The following GTF2F2 variants were observed in gnomAD, a reference collection of about 807,000 sequenced individuals.
The protein encoded by GTF2F2 is ATP-dependent helicase GTF2F2.
GTF2F2 carries 23 observed loss-of-function variants against 42.2 expected under a neutral mutation model. The observed-to-expected ratio is 0.55, with a 90% CI of 0.39 to 0.77. GTF2F2 has a LOEUF of 0.77. Among genes scored for constraint, GTF2F2 ranks in the 30% least tolerant of loss-of-function variants. The pLI is 0.00. For missense variants in GTF2F2, 261 were observed against 287.2 expected, an observed-to-expected ratio of 0.91 and a Z score of 0.66; for synonymous variants, 105 against 100.8, an observed-to-expected ratio of 1.04 and a Z score of -0.25.
rs966876296 is a variant in GTF2F2 at position 45,191,339 on chromosome 13, G to A, written c.305-16085G>A. ...ATAAGAGAATATATGTTTGGCTCAT[G>A]GCAACTATAGTAACCTACTTTTTTA... On this transcript the variant is annotated intron_variant, in intron 4 of 7. Coordinates refer to ENST00000340473, the MANE Select transcript of GTF2F2 (RefSeq NM_004128.3). Among the ~76,000 whole-genome samples the A allele has an allele frequency of 3.4e-5, 5 of 148,230 alleles. No individual in the cohort carries two copies. The South Asian group carries it at 6.3e-4, about 19-fold the overall frequency.
At chr13:45,214,844 C>T (rs1217711111) in intron 5 of GTF2F2, among the ~76,000 whole-genome samples, 1 of 151,724 alleles carries the variant, frequency 6.6e-6, no homozygotes, top group Non-Finnish European at 1.5e-5. Context: ...ATCATCCTAA[C>T]ATATTTTCTT....
chr13:45,127,960 T>C (rs1206362346), intron 1 of GTF2F2, among the ~76,000 whole-genome samples: 13 of 138,284 alleles, frequency 9.4e-5, no homozygotes, highest in African/African-American at 2.8e-4. Context: ...TTTTTTTTTT[T>C]TTTTTTTTTC....
At chr13:45,150,989 A>T (rs1441884605) in intron 3 of GTF2F2, among the ~76,000 whole-genome samples, 1 of 151,598 alleles carries the variant, frequency 6.6e-6, no homozygotes, top group African/African-American at 2.4e-5. Context: ...AGTAATTTTT[A>T]TTTTATTTCA....
chr13:45,229,366 A>G (rs935308312), intron 5 of GTF2F2, among the ~76,000 whole-genome samples: 2 of 151,968 alleles, frequency 1.3e-5, no homozygotes, highest in Non-Finnish European at 2.9e-5. Flanking sequence ...ACCTCCGGAA[A>G]AGCCTCCCTA....
At chr13:45,150,345 C>A (rs903361251) in intron 3 of GTF2F2, among the ~76,000 whole-genome samples, 1 of 152,082 alleles carries the variant, frequency 6.6e-6, no homozygotes, top group Non-Finnish European at 1.5e-5. Context: ...TTGAGCTATC[C>A]TTTTAACTGT....
At chr13:45,253,270 A>G (rs1416116981) in intron 6 of GTF2F2, among the ~76,000 whole-genome samples, 1 of 152,160 alleles carries the variant, frequency 6.6e-6, no homozygotes, top group Non-Finnish European at 1.5e-5. Flanking sequence ...AATGTTGCTG[A>G]TGTTTTAAAT....
intron 7 of GTF2F2, among the ~76,000 whole-genome samples, chr13:45,273,724 G>A (rs1050419588): frequency 2.2e-5 from 3 of 139,248 alleles, no homozygotes; most frequent in Non-Finnish European, 4.5e-5. Flanking sequence ...GCGCGATCTC[G>A]GCTCACTGCA....
intron 6 of GTF2F2, among the ~76,000 whole-genome samples, chr13:45,255,917 A>G (rs895027036): frequency 3.9e-5 from 6 of 152,182 alleles, no homozygotes; most frequent in African/African-American, 1.4e-4. Context: ...TTTATGTCAA[A>G]TGCACTATAA....
chr13:45,227,965 A>G (rs1874447272), intron 5 of GTF2F2, among the ~76,000 whole-genome samples: 3 of 152,124 alleles, frequency 2.0e-5, no homozygotes, highest in Admixed American at 6.5e-5. Flanking sequence ...AAATCCTAGG[A>G]ATTACCAGTG....
chr13:45,257,219 G>A (rs561904277), intron 6 of GTF2F2, among the ~76,000 whole-genome samples: 1 of 152,120 alleles, frequency 6.6e-6, no homozygotes, highest in African/African-American at 2.4e-5. Flanking sequence ...GGGCCAAAAA[G>A]AATTATATGA....
chr13:45,196,580 C>G (rs969480212), intron 4 of GTF2F2, among the ~76,000 whole-genome samples: 12 of 152,170 alleles, frequency 7.9e-5, no homozygotes, highest in Middle Eastern at 3.2e-3. Flanking sequence ...ATCAAAAAGG[C>G]ATAACAATTT....
chr13:45,136,890 G>C (rs1391804616), intron 2 of GTF2F2, 84 bp downstream of exon 2: 1 of 781,742 alleles, frequency 1.3e-6, no homozygotes, highest in Admixed American at 2.1e-5. Flanking sequence ...TATAATTTCT[G>C]ATCAGAGTTT....
At chr13:45,168,461 A>G (rs765744610) in intron 4 of GTF2F2, among the ~76,000 whole-genome samples, 8 of 152,232 alleles carry the variant, frequency 5.3e-5, no homozygotes, top group Non-Finnish European at 8.8e-5. Context: ...TTTAATCCTC[A>G]GGTAGGGTGA....
chr13:45,126,909 G>A (rs1869036243), intron 1 of GTF2F2, among the ~76,000 whole-genome samples: 1 of 152,170 alleles, frequency 6.6e-6, no homozygotes, highest in Non-Finnish European at 1.5e-5. Flanking sequence ...GGAAATCTAA[G>A]CAACCATACC....
Position 45,149,767 on chromosome 13 carries a change from T to C in GTF2F2, c.141-3T>C, listed in dbSNP as rs752717266. On this transcript the variant is annotated splice_region_variant and splice_polypyrimidine_tract_variant and intron_variant, in intron 2 of 7. Coordinates refer to ENST00000340473, the MANE Select transcript of GTF2F2 (RefSeq NM_004128.3). ...TTTAAATATTTCTTTTCCTCTCCTT[T>C]AGGACTCAAGGAAGGACTGAGGTAA... 3.3e-6 allele frequency: 5 copies of C among 1,513,364 alleles called. No individual in the cohort carries two copies. The South Asian group carries it at 6.4e-5, about 20-fold the overall frequency. The allele number at this position is 1,513,364 out of a possible 1,614,324, so 93.7% of individuals were successfully genotyped here.
intron 2 of GTF2F2, among the ~76,000 whole-genome samples, chr13:45,143,284 T>G (rs1262572679): frequency 6.6e-6 from 1 of 152,152 alleles, no homozygotes; most frequent in Non-Finnish European, 1.5e-5. Flanking sequence ...TTTAAAAAAA[T>G]GTGTATTTGG....
intron 5 of GTF2F2, among the ~76,000 whole-genome samples, chr13:45,249,318 C>T (rs769307647): frequency 4.0e-5 from 6 of 151,376 alleles, no homozygotes; most frequent in Non-Finnish European, 8.8e-5. Flanking sequence ...TAATTAAAAC[C>T]CTTGTGGTTG....
intron 4 of GTF2F2, among the ~76,000 whole-genome samples, chr13:45,198,127 A>G (rs992818254): frequency 4.6e-5 from 7 of 152,220 alleles, no homozygotes; most frequent in African/African-American, 1.2e-4. Context: ...AGTATATCCT[A>G]TAGTTAATTG....
At chr13:45,145,434 A>G (rs944255819) in intron 2 of GTF2F2, among the ~76,000 whole-genome samples, 5 of 152,186 alleles carry the variant, frequency 3.3e-5, no homozygotes, top group African/African-American at 1.2e-4. Context: ...TTTAGAAACT[A>G]AGATCTGGAT....
Sources: allele counts gnomAD v4.1 joint callset (sites outside exome capture counted in the v4.1 genomes callset), GRCh38; gene constraint gnomAD v4.1.1; transcripts MANE v1.5; gene names NCBI Gene and HGNC (gene_info 2026-07-23, HGNC 2026-07-21).